The following PAFAH1B1 variants were observed in gnomAD, a reference collection of about 807,000 sequenced individuals.
The protein encoded by PAFAH1B1 is platelet-activating factor acetylhydrolase IB subunit beta.
Under a neutral mutation model 57.5 loss-of-function variants are expected in PAFAH1B1, and 2 were observed. That is an observed-to-expected ratio of 0.03 (90% CI 0.01 to 0.11). The LOEUF (loss-of-function observed/expected upper bound fraction) is 0.11. Ranked by LOEUF, PAFAH1B1 falls within the 10% of genes least tolerant of loss-of-function variation. The probability of loss-of-function intolerance (pLI) is 1.00; values close to 1 mark genes in which losing one functional copy is unlikely to be tolerated. For missense variants in PAFAH1B1, 257 were observed against 512.0 expected (o/e 0.50, Z 4.81); for synonymous variants, 152 against 169.6 (o/e 0.90, Z 0.81).
intron 2 of PAFAH1B1, among the ~76,000 whole-genome samples, chr17:2,643,264 A>AT (rs1239342142): frequency 6.6e-6 from 1 of 151,590 alleles, no homozygotes; most frequent in Non-Finnish European, 1.5e-5. Context: ...TGCTCAGCTA[A>AT]TTTTTTCCTT....
At chr17:2,642,992 A>G (rs1360597716) in intron 2 of PAFAH1B1, among the ~76,000 whole-genome samples, 1 of 152,162 alleles carries the variant, frequency 6.6e-6, no homozygotes, top group Admixed American at 6.6e-5. Context: ...CCTTGAGGGA[A>G]CCAAGCTTAT....
At chr17:2,633,903 G>A (rs2068587476) in intron 1 of PAFAH1B1, among the ~76,000 whole-genome samples, 1 of 151,016 alleles carries the variant, frequency 6.6e-6, no homozygotes, top group Non-Finnish European at 1.5e-5. Context: ...AGTCTCCATG[G>A]GTAATCTTAC....
At chr17:2,660,933 T>C (rs903543844) in intron 2 of PAFAH1B1, among the ~76,000 whole-genome samples, 3 of 152,218 alleles carry the variant, frequency 2.0e-5, no homozygotes, top group Non-Finnish European at 2.9e-5. Flanking sequence ...GACTTTATAA[T>C]AATCGCCATT....
At position 2,682,288 on chromosome 17, in the gene PAFAH1B1, A is replaced by G. The variant is rs2069396143; in HGVS notation, c.*486A>G. Reference sequence around the variant, plus strand: ...AAATCTTCTGTAAGGATTTTAGATGATAAGGCTACAATTCAGAATCTTCTG... The same window carrying G: ...AAATCTTCTGTAAGGATTTTAGATGGTAAGGCTACAATTCAGAATCTTCTG... On this transcript the variant is annotated 3_prime_UTR_variant, in exon 11 of 11. Transcript: ENST00000397195. The G allele has an allele frequency of 6.5e-6, 1 of 153,758 alleles. No homozygotes were observed. The highest frequency in any genetic ancestry group is 2.0e-4 in the South Asian group (1 of 4,922). 9.5% of individuals were successfully genotyped at this position (153,758 alleles called of 1,614,324 possible).
chr17:2,680,620 ATTAG>A (rs773632181), intron 10 of PAFAH1B1, among the ~76,000 whole-genome samples: 8 of 152,200 alleles, frequency 5.3e-5, no homozygotes, highest in Non-Finnish European at 8.8e-5. Flanking sequence ...TTTCTCCCCT[ATTAG>A]TTTGTTTCTC....
At chr17:2,624,900 G>T (rs1400350466) in intron 1 of PAFAH1B1, among the ~76,000 whole-genome samples, 1 of 152,160 alleles carries the variant, frequency 6.6e-6, no homozygotes, top group Non-Finnish European at 1.5e-5. Context: ...AGGAACCATT[G>T]ATAATTGATG....
At chr17:2,659,067 A>G (rs938455755) in intron 2 of PAFAH1B1, among the ~76,000 whole-genome samples, 6 of 152,038 alleles carry the variant, frequency 3.9e-5, no homozygotes, top group Non-Finnish European at 8.8e-5. Context: ...CCTGGCCAAC[A>G]TGGCAAAACC....
At chr17:2,670,402 C>G (rs2069165736) in intron 6 of PAFAH1B1, 71 bp downstream of exon 6, 5 of 1,320,132 alleles carry the variant, frequency 3.8e-6, no homozygotes, top group South Asian at 3.5e-5. Context: ...TTGTTTCTAA[C>G]AGTGTACAGT....
At chr17:2,618,549 G>A (rs745548695) in intron 1 of PAFAH1B1, among the ~76,000 whole-genome samples, 9 of 152,140 alleles carry the variant, frequency 5.9e-5, no homozygotes, top group Non-Finnish European at 1.2e-4. Context: ...TTTCAGATAC[G>A]TGATGCAATG....
rs1259062542 is a variant in PAFAH1B1 at position 2,683,637 on chromosome 17, T to C, written c.*1835T>C. The C allele has an allele frequency of 6.6e-6, 1 of 152,594 alleles. No homozygotes were observed. Among genetic ancestry groups the C allele is most frequent in the East Asian group, 1.9e-4 (1 of 5,206 alleles). 9.5% of individuals were successfully genotyped at this position (152,594 alleles called of 1,614,324 possible). A position where few individuals can be genotyped will look rare whatever the true frequency, so the allele number is the denominator to read the frequency against. ...GGAAAGTTTTGAGAACTAATGGCTA[T>C]TTTTGAGGACAAAAATTACATCTTA... On this transcript the variant is annotated 3_prime_UTR_variant, in exon 11 of 11. Transcript: ENST00000397195.
chr17:2,611,664 T>C (rs1157260794), intron 1 of PAFAH1B1, among the ~76,000 whole-genome samples: 1 of 152,074 alleles, frequency 6.6e-6, no homozygotes, highest in Non-Finnish European at 1.5e-5. Flanking sequence ...ACTTTTTCTT[T>C]TGAATTTTAA....
intron 2 of PAFAH1B1, among the ~76,000 whole-genome samples, chr17:2,655,167 A>G (rs565138437): frequency 6.3e-5 from 9 of 143,156 alleles, no homozygotes; most frequent in African/African-American, 2.4e-4. Flanking sequence ...CATTTAAAAA[A>G]TATATATATA....
chr17:2,619,971 T>C (rs1216419816), intron 1 of PAFAH1B1, among the ~76,000 whole-genome samples: 6 of 152,042 alleles, frequency 3.9e-5, no homozygotes, highest in African/African-American at 7.2e-5. Flanking sequence ...TATTATTCTT[T>C]GTGGAGATGT....
intron 1 of PAFAH1B1, among the ~76,000 whole-genome samples, chr17:2,622,851 A>G (rs1410350499): frequency 2.0e-5 from 3 of 152,200 alleles, no homozygotes; most frequent in Non-Finnish European, 4.4e-5. Flanking sequence ...GGACGTTTCC[A>G]TACATCTTCT....
At chr17:2,598,415 C>G (rs529044318) in intron 1 of PAFAH1B1, among the ~76,000 whole-genome samples, 44 of 152,134 alleles carry the variant, frequency 2.9e-4, no homozygotes, top group Admixed American at 4.6e-4. Flanking sequence ...TTAAACCAAG[C>G]TGGCCATTTC....
At chr17:2,672,285 CAAAAAAAAAAAAAA>C (rs35332619) in intron 6 of PAFAH1B1, among the ~76,000 whole-genome samples, 5 of 69,592 alleles carry the variant, frequency 7.2e-5, no homozygotes, top group African/African-American at 2.7e-4. Flanking sequence ...CCTTGCCTCA[CAAAAAAAAAAAAAA>C]AAAAAAAAAA....
intron 2 of PAFAH1B1, among the ~76,000 whole-genome samples, chr17:2,656,281 A>G (rs920313628): frequency 3.9e-5 from 6 of 152,076 alleles, no homozygotes; most frequent in African/African-American, 1.4e-4. Context: ...TTGAGACCCT[A>G]TCTCTACTTT....
At chr17:2,645,872 A>C (rs956678051) in intron 2 of PAFAH1B1, among the ~76,000 whole-genome samples, 1 of 150,740 alleles carries the variant, frequency 6.6e-6, no homozygotes, top group Non-Finnish European at 1.5e-5. Flanking sequence ...CCAAAGTGCT[A>C]GGATTACAGG....
At chr17:2,653,601 C>T (rs965673145) in intron 2 of PAFAH1B1, among the ~76,000 whole-genome samples, 1 of 152,012 alleles carries the variant, frequency 6.6e-6, no homozygotes, top group Non-Finnish European at 1.5e-5. Flanking sequence ...TGTTTAAATC[C>T]AGGGACTGTT....
Sources: allele counts gnomAD v4.1 joint callset (sites outside exome capture counted in the v4.1 genomes callset), GRCh38; gene constraint gnomAD v4.1.1; transcripts MANE v1.5; gene names NCBI Gene and HGNC (gene_info 2026-07-23, HGNC 2026-07-21).